ZNF225: variants seen among roughly 807,000 people sequenced by gnomAD.
ZNF225 encodes the protein zinc finger protein 225.
ZNF225 carries 6 observed loss-of-function variants against 12.0 expected under a neutral mutation model. The observed-to-expected ratio is 0.50, with a 90% CI of 0.27 to 0.98. The LOEUF is 0.98. Among genes scored for constraint, ZNF225 ranks in the 50% least tolerant of loss-of-function variants. The pLI, the probability that ZNF225 is intolerant of heterozygous loss-of-function variation, is 0.11. For missense variants in ZNF225, 763 were observed against 848.2 expected, an observed-to-expected ratio of 0.90 and a Z score of 1.25; for synonymous variants, 271 against 283.2, an observed-to-expected ratio of 0.96 and a Z score of 0.43.
upstream of ZNF225, chr19:44,113,057 C>T (rs749264019): frequency 2.0e-5 from 3 of 152,232 alleles, no homozygotes; most frequent in Admixed American, 2.0e-4. Context: ...CTCGGAGTGG[C>T]AACGCTTCCC....
intron 4 of ZNF225, among the ~76,000 whole-genome samples, chr19:44,119,835 C>T (rs1326972565): frequency 6.6e-6 from 1 of 152,218 alleles, no homozygotes; most frequent in Non-Finnish European, 1.5e-5. Context: ...TCAGAATACT[C>T]TTTCACCTCA....
intron 1 of ZNF225, chr19:44,114,240 G>T: frequency 1.1e-6 from 1 of 916,650 alleles, no homozygotes; most frequent in Non-Finnish European, 1.8e-6. Context: ...TTTTTTCTTT[G>T]ACAGAGATGC....
upstream of ZNF225, chr19:44,112,172 A>C (rs1967845043): frequency 6.6e-6 from 1 of 152,116 alleles, no homozygotes; most frequent in Non-Finnish European, 1.5e-5. Context: ...GCCCCACCCT[A>C]ATCTTCTTAT....
chr19:44,113,629 GCT>G (rs1967877084), intron 1 of ZNF225, 60 bp downstream of exon 1: 1 of 152,210 alleles, frequency 6.6e-6, no homozygotes, highest in African/African-American at 2.4e-5. Flanking sequence ...TGGGCTTGGG[GCT>G]CTCCTCGCGT....
intron 4 of ZNF225, among the ~76,000 whole-genome samples, chr19:44,125,609 G>A (rs1017158165): frequency 2.6e-5 from 4 of 152,114 alleles, no homozygotes; most frequent in Non-Finnish European, 5.9e-5. Context: ...AGTTTTCCTC[G>A]ATTATTTCCC....
chr19:44,132,681 C>T lies in ZNF225; in HGVS notation c.2067C>T (p.Tyr689=). The T allele has an allele frequency of 1.2e-6, 2 of 1,609,616 alleles. No individual in the cohort carries two copies. The highest frequency in any genetic ancestry group is 2.2e-5 in the East Asian group (1 of 44,864). Residue 689 remains tyrosine (Y), a synonymous_variant, in exon 5 of 5, where the codon TAC becomes TAT. Coordinates refer to ENST00000262894, the MANE Select transcript of ZNF225 (RefSeq NM_013362.4). ...AATGTGAGGACTGTGGGAAGCGCTACAAGAGGCGCTTGAATCTTGATACGC... is the reference window on the plus strand; with the variant it reads ...AATGTGAGGACTGTGGGAAGCGCTATAAGAGGCGCTTGAATCTTGATACGC... ...TSKCEDCGKR[Y]KRRLNLDTLL... is the part of the protein sequence containing the mutation.
Position 44,131,485 on chromosome 19 carries a change from G to T in ZNF225, c.871G>T (p.Asp291Tyr). The T allele has an allele frequency of 6.2e-7, 1 of 1,614,154 alleles. No homozygotes were observed. The highest frequency in any genetic ancestry group is 1.7e-5 in the Admixed American group (1 of 60,022). ...TACTGGGGAGAAGCCATTCAAATGT[G>T]ATATATGTTGTAAGAGCTTCCGTAG... ...IHTGEKPFKC[D>Y]ICCKSFRSRA... Residue 291 changes from aspartate to tyrosine, a missense_variant, in exon 5 of 5, where the codon GAT (aspartate) becomes TAT (tyrosine). Transcript: ENST00000262894.
intron 4 of ZNF225, among the ~76,000 whole-genome samples, chr19:44,120,216 C>CA (rs1266240298): frequency 1.3e-5 from 2 of 152,022 alleles, no homozygotes; most frequent in African/African-American, 2.4e-5. Flanking sequence ...GACTCTGTCT[C>CA]AAAAAAACAA....
At position 44,131,954 on chromosome 19, in the gene ZNF225, A is replaced by T. The variant is rs906354622; in HGVS notation, c.1340A>T (p.Gln447Leu). ...YKRRLDLDFHQRVHRGEKPYN... is the reference protein window; with the variant it reads ...YKRRLDLDFHLRVHRGEKPYN... ...AGGAGGTTGGATCTTGACTTTCATC[A>T]GAGGGTCCACAGAGGAGAGAAACCC... The change falls in exon 5 of 5, where the codon CAG becomes CTG. Residue 447 changes from glutamine to leucine, a missense_variant. Transcript: ENST00000262894. 1 of 1,613,972 alleles carries T rather than the reference A, an allele frequency of 6.2e-7. No homozygotes were observed. Among genetic ancestry groups the T allele is most frequent in the South Asian group, 1.1e-5 (1 of 91,062 alleles).
chr19:44,120,173 C>T (rs569114432), intron 4 of ZNF225, among the ~76,000 whole-genome samples: 85 of 152,208 alleles, frequency 5.6e-4, no homozygotes, highest in African/African-American at 1.7e-3. Flanking sequence ...GCCGAGATGG[C>T]GCCACCGCAC....
chr19:44,128,452 C>T (rs533062330), intron 4 of ZNF225: 2 of 152,282 alleles, frequency 1.3e-5, no homozygotes, highest in African/African-American at 2.4e-5. Context: ...TCCCAAAAAT[C>T]TCTTATTTAT....
At chr19:44,126,246 A>G (rs1968143572) in intron 4 of ZNF225, among the ~76,000 whole-genome samples, 1 of 151,464 alleles carries the variant, frequency 6.6e-6, no homozygotes, top group African/African-American at 2.4e-5. Flanking sequence ...TTGATGTAGT[A>G]CTCTCCCCCT....
At chr19:44,130,295 AGGCAGAGGTG>A (rs139257723) in intron 4 of ZNF225, 6,760 of 152,766 alleles carry the variant, frequency 0.044, 187 homozygotes, top group South Asian at 0.07. Context: ...GCTACTCAGG[AGGCAGAGGTG>A]GGAGGATCAC....
chr19:44,114,158 C>G lies in ZNF225; in HGVS notation c.-69+589C>G, dbSNP rs138852713. 856 of 945,566 alleles carry G rather than the reference C, an allele frequency of 9.1e-4. 10 individuals carry two copies. In the African/African-American group the frequency reaches 0.013, roughly 15 times the overall value. 58.6% of individuals were successfully genotyped at this position (945,566 alleles called of 1,614,324 possible). On this transcript the variant is annotated intron_variant, in intron 1 of 4. Transcript: ENST00000262894. ...ACAGCCTTCTCCTTACCCAGCCCGA[C>G]CTTTCCAAAAGAGCTGCAGGGAGGG...
At chr19:44,118,161 T>C in intron 2 of ZNF225, 27 bp from the exon 3 acceptor site, 1 of 1,599,700 alleles carries the variant, frequency 6.3e-7, no homozygotes, top group Non-Finnish European at 8.5e-7. Flanking sequence ...GTCATGAGAC[T>C]GAGGTTGCAT....
At position 44,134,660 on chromosome 19, in the gene ZNF225, A is replaced by C. The variant is rs559699856; in HGVS notation, c.*1925A>C. The C allele has an allele frequency of 7.2e-5, 11 of 152,148 alleles. No individual in the cohort carries two copies. Among genetic ancestry groups the C allele is most frequent in the Non-Finnish European group, 1.5e-4 (10 of 68,022 alleles). 9.4% of individuals were successfully genotyped at this position (152,148 alleles called of 1,614,324 possible). A position where few individuals can be genotyped will look rare whatever the true frequency, so the allele number is the denominator to read the frequency against. ...AAATACTTGCTTATTATAATTATTAAAAGTTTGGTAGGGTCTATGTCTGCT... is the reference window on the plus strand; with the variant it reads ...AAATACTTGCTTATTATAATTATTACAAGTTTGGTAGGGTCTATGTCTGCT... On this transcript the variant is annotated 3_prime_UTR_variant, in exon 5 of 5. Coordinates refer to ENST00000262894, the MANE Select transcript of ZNF225 (RefSeq NM_013362.4).
rs180927913 is a variant in ZNF225 at position 44,131,217 on chromosome 19, G to A, written c.603G>A (p.Glu201=). ...TTCATCAGAGAGTTCACATGGGGGA[G>A]AAACTCTATAATTGTGATGTGTGTG... The part of the protein sequence containing the change: ...LRIHQRVHMG[E]KLYNCDVCGK... The change falls in exon 5 of 5, where the codon GAG becomes GAA. Residue 201 remains glutamate (E), a synonymous_variant. Transcript: ENST00000262894. 2 of 1,614,176 alleles carry A rather than the reference G, an allele frequency of 1.2e-6. No individual in the cohort carries two copies. Among genetic ancestry groups the A allele is most frequent in the East Asian group, 4.5e-5 (2 of 44,876 alleles).
At chr19:44,123,948 T>C (rs535126671) in intron 4 of ZNF225, among the ~76,000 whole-genome samples, 1 of 152,136 alleles carries the variant, frequency 6.6e-6, no homozygotes, top group Admixed American at 6.5e-5. Flanking sequence ...ACCAGCTTTT[T>C]GTTTCATTTA....
chr19:44,122,775 G>T (rs1968079739), intron 4 of ZNF225, among the ~76,000 whole-genome samples: 1 of 151,986 alleles, frequency 6.6e-6, no homozygotes, highest in Non-Finnish European at 1.5e-5. Flanking sequence ...ATAGGGGTTG[G>T]GTTCTTGATT....
Sources: allele counts gnomAD v4.1 joint callset (sites outside exome capture counted in the v4.1 genomes callset), GRCh38; gene constraint gnomAD v4.1.1; transcripts MANE v1.5; gene names NCBI Gene and HGNC (gene_info 2026-07-23, HGNC 2026-07-21).